DLC1: variants seen among roughly 807,000 people sequenced by gnomAD.
The protein encoded by DLC1 is rho GTPase-activating protein 7.
Under a neutral mutation model 140.3 loss-of-function variants are expected in DLC1, and 54 were observed. The observed-to-expected ratio is 0.38, with a 90% CI of 0.31 to 0.48. The LOEUF is 0.48. Among genes scored for constraint, DLC1 ranks in the 20% least tolerant of loss-of-function variants. The pLI, the probability that DLC1 is intolerant of heterozygous loss-of-function variation, is 0.96. For synonymous variants in DLC1, 986 were observed against 728.1 expected (o/e 1.35, Z -5.70); for missense variants, 2,536 against 1,907.0 (o/e 1.33, Z -6.14).
chr8:13,091,090 G>A (rs932352411), intron 14 of DLC1, among the ~76,000 whole-genome samples: 1 of 152,138 alleles, frequency 6.6e-6, no homozygotes, highest in African/African-American at 2.4e-5. Flanking sequence ...TTACAGGCGT[G>A]AGCCACTGCG....
intron 1 of DLC1, among the ~76,000 whole-genome samples, chr8:13,542,015 TC>T (rs1803501662): frequency 6.6e-6 from 1 of 152,230 alleles, no homozygotes; most frequent in Non-Finnish European, 1.5e-5. Context: ...CTGTGGTTTT[TC>T]TTTCATTTTC....
At chr8:13,482,661 TTAAGA>T (rs1358480750) in intron 2 of DLC1, among the ~76,000 whole-genome samples, 5 of 152,178 alleles carry the variant, frequency 3.3e-5, no homozygotes, top group Non-Finnish European at 7.4e-5. Flanking sequence ...TAGGTAGAAC[TTAAGA>T]TAAGTCAATA....
chr8:13,411,001 C>G (rs1378628746), intron 2 of DLC1, among the ~76,000 whole-genome samples: 1 of 152,180 alleles, frequency 6.6e-6, no homozygotes, highest in South Asian at 2.1e-4. Flanking sequence ...ACCTGCAGAG[C>G]TGATTCTTGG....
At chr8:13,189,407 G>A (rs546320731) in intron 5 of DLC1, among the ~76,000 whole-genome samples, 2 of 152,150 alleles carry the variant, frequency 1.3e-5, no homozygotes, top group East Asian at 1.9e-4. Context: ...AAGGCTGAGA[G>A]TTCAAGGCTG....
chr8:13,515,057 C>T (rs535302672), upstream of DLC1, among the ~76,000 whole-genome samples: 1 of 152,166 alleles, frequency 6.6e-6, no homozygotes, highest in South Asian at 2.1e-4. Context: ...GCTGTAGAGT[C>T]ATAAAGTCCT....
intron 5 of DLC1, among the ~76,000 whole-genome samples, chr8:13,175,773 GTA>G (rs902479161): frequency 6.6e-6 from 1 of 151,878 alleles, no homozygotes; most frequent in Non-Finnish European, 1.5e-5. Flanking sequence ...CTTAATACAT[GTA>G]TATATATATT....
chr8:13,232,927 C>G (rs184705254), intron 5 of DLC1, among the ~76,000 whole-genome samples: 1 of 152,140 alleles, frequency 6.6e-6, no homozygotes, highest in Non-Finnish European at 1.5e-5. Context: ...TTTGCTTTCC[C>G]TGACTAATCA....
In DLC1 at chr8:13,501,126, T is replaced by C. The variant is rs187822331; in HGVS notation, c.-125-930A>G. ...GTGAACATAAAGGAAGATATGACTA[T>C]AAGACAATTGGGACTATTCTTCAGA... On this transcript the variant is annotated intron_variant, in intron 1 of 17. Coordinates refer to ENST00000276297, the MANE Select transcript of DLC1 (RefSeq NM_182643.3). Among the ~76,000 whole-genome samples, 580 of 152,316 alleles carry C rather than the reference T, an allele frequency of 3.8e-3. 1 individual carries two copies. Among genetic ancestry groups the C allele is most frequent in the Non-Finnish European group, 5.6e-3 (383 of 68,016 alleles).
intron 4 of DLC1, among the ~76,000 whole-genome samples, chr8:13,331,239 C>T (rs1425155337): frequency 6.6e-6 from 1 of 152,174 alleles, no homozygotes; most frequent in Non-Finnish European, 1.5e-5. Flanking sequence ...TTGTAAGCAC[C>T]ACATTGGCTA....
intron 1 of DLC1, among the ~76,000 whole-genome samples, chr8:13,600,969 T>G (rs551002153): frequency 3.9e-5 from 6 of 152,002 alleles, no homozygotes; most frequent in African/African-American, 1.4e-4. Flanking sequence ...TTATATTTTA[T>G]TATTTGTTTA....
At chr8:13,546,206 T>A (rs1803643135) in intron 1 of DLC1, among the ~76,000 whole-genome samples, 1 of 152,158 alleles carries the variant, frequency 6.6e-6, no homozygotes. Context: ...TCAGCAATAA[T>A]CACAGACCAC....
chr8:13,521,070 C>T (rs1239766482), intron 1 of DLC1, among the ~76,000 whole-genome samples: 1 of 152,060 alleles, frequency 6.6e-6, no homozygotes, highest in Non-Finnish European at 1.5e-5. Flanking sequence ...ACTTTGCAGC[C>T]ATAAAAAGGA....
At chr8:13,371,157 G>A (rs111309706) in intron 4 of DLC1, among the ~76,000 whole-genome samples, 4,555 of 152,074 alleles carry the variant, frequency 0.03, 79 homozygotes, top group Non-Finnish European at 0.033. Flanking sequence ...TCTTTACTCT[G>A]TTTATCCAAT....
At chr8:13,454,545 A>C (rs1000784044) in intron 2 of DLC1, among the ~76,000 whole-genome samples, 1 of 152,130 alleles carries the variant, frequency 6.6e-6, no homozygotes. Context: ...GAGGTATACA[A>C]GAGTTTCTTG....
intron 5 of DLC1, among the ~76,000 whole-genome samples, chr8:13,234,743 A>G (rs1022715227): frequency 6.6e-6 from 1 of 152,120 alleles, no homozygotes; most frequent in Non-Finnish European, 1.5e-5. Context: ...TTAAAATTTG[A>G]AGCCACATTA....
At chr8:13,591,514 C>T (rs994370951) in intron 1 of DLC1, among the ~76,000 whole-genome samples, 1 of 152,052 alleles carries the variant, frequency 6.6e-6, no homozygotes, top group African/African-American at 2.4e-5. Flanking sequence ...TGAGGCCTCC[C>T]TAGCCATGCA....
intron 1 of DLC1, among the ~76,000 whole-genome samples, chr8:13,511,077 G>T (rs1346793536): frequency 6.6e-6 from 1 of 151,570 alleles, no homozygotes; most frequent in African/African-American, 2.4e-5. Context: ...TTTGCTAATT[G>T]CTGGGAATAA....
intron 2 of DLC1, among the ~76,000 whole-genome samples, chr8:13,413,324 A>G (rs182645546): frequency 2.5e-5 from 3 of 121,822 alleles, no homozygotes; most frequent in African/African-American, 9.2e-5. Context: ...GTGTGGCCCA[A>G]GATAATTCTT....
chr8:13,560,360 G>T (rs6985737), intron 1 of DLC1, among the ~76,000 whole-genome samples: 1 of 152,072 alleles, frequency 6.6e-6, no homozygotes, highest in Admixed American at 6.6e-5. Flanking sequence ...GATGTGAGCA[G>T]TCACTCTACA....
Sources: gnomAD v4.1 joint callset for allele counts (sites outside exome capture counted in the v4.1 genomes callset) on GRCh38, gnomAD v4.1.1 for gene constraint, MANE v1.5 for transcripts, NCBI Gene and HGNC (gene_info 2026-07-23, HGNC 2026-07-21) for gene names.